ERGIC3: variants seen among roughly 807,000 people sequenced by gnomAD.
The protein encoded by ERGIC3 is ERGIC and golgi 3.
A neutral mutation model predicts 54.7 loss-of-function variants in ERGIC3; 33 were observed. The observed-to-expected ratio is 0.60, with a 90% CI of 0.46 to 0.81. The LOEUF (loss-of-function observed/expected upper bound fraction) is 0.81. Among genes scored for constraint, ERGIC3 ranks in the 30% least tolerant of loss-of-function variants. ERGIC3 has a pLI of 0.00. For missense variants in ERGIC3, 399 were observed against 488.4 expected, an observed-to-expected ratio of 0.82 and a Z score of 1.73; for synonymous variants, 186 against 189.8, an observed-to-expected ratio of 0.98 and a Z score of 0.16.
chr20:35,547,417 G>T lies in ERGIC3; in HGVS notation c.373G>T (p.Gly125Trp), dbSNP rs770371796. 1.9e-6 allele frequency: 3 copies of T among 1,614,076 alleles called. No individual in the cohort carries two copies. In the South Asian group the frequency reaches 3.3e-5, roughly 18 times the overall value. The change falls in exon 5 of 13, where the codon GGG becomes TGG. Residue 125 changes from glycine to tryptophan, a missense_variant. Physicochemically the swap from Gly to Trp is radical, Grantham distance 184. Transcript: ENST00000348547. ...TGCTTCTCCCCTCCCCTTAGAGCTT[G>T]GGAAAGTCGAGGTGACGGTGTTTGA... ...VSSEAERHEL[G>W]KVEVTVFDPD...
chr20:35,556,541 T>G, intron 10 of ERGIC3: 1 of 529,230 alleles, frequency 1.9e-6, no homozygotes. Context: ...CTGTTCTCTG[T>G]GGTCTGCCTG....
At chr20:35,555,528 TG>T (rs909598245) in intron 8 of ERGIC3, among the ~76,000 whole-genome samples, 12 of 152,166 alleles carry the variant, frequency 7.9e-5, no homozygotes, top group African/African-American at 2.9e-4. Context: ...TTCTAGTGTC[TG>T]AGGCTGATAC....
At chr20:35,542,247 C>CT (rs2064616833) in intron 1 of ERGIC3, 62 bp downstream of exon 1, 4 of 1,610,996 alleles carry the variant, frequency 2.5e-6, no homozygotes, top group Non-Finnish European at 3.4e-6. Flanking sequence ...GCCCGGGCTC[C>CT]TGGACTCTGA....
At chr20:35,544,470 A>G in intron 4 of ERGIC3, 1 of 307,094 alleles carries the variant, frequency 3.3e-6, no homozygotes, top group Non-Finnish European at 6.5e-6. Flanking sequence ...GATGGCTGGG[A>G]CATTGCTCAG....
Position 35,542,338 on chromosome 20 carries a change from G to A in ERGIC3, c.104G>A (p.Gly35Asp). 1 of 1,613,980 alleles carries A rather than the reference G, an allele frequency of 6.2e-7. No individual in the cohort carries two copies. The change falls in exon 2 of 13, where the codon GGC (glycine) becomes GAC (aspartate). Residue 35 changes from glycine (G) to aspartate (D), a missense_variant. Coordinates refer to ENST00000348547, the MANE Select transcript of ERGIC3 (RefSeq NM_015966.3). ...TGTCCTGCAGTGACCATTGTCAGTG[G>A]CCTTCTCATGCTGCTACTGTTCCTG... is the stretch of plus-strand genomic sequence containing the variant. ...CGGATVTIVS[G>D]LLMLLLFLSE...
At chr20:35,554,288 C>G in intron 7 of ERGIC3, 1 of 1,539,472 alleles carries the variant, frequency 6.5e-7, no homozygotes, top group Non-Finnish European at 9.0e-7. Flanking sequence ...TCCAGTCTTC[C>G]CTCCTGCAAC....
In ERGIC3 at chr20:35,548,594, C is replaced by T. The variant is rs749724539; in HGVS notation, c.547C>T (p.Arg183Trp). 36 of 1,614,184 alleles carry T rather than the reference C, an allele frequency of 2.2e-5. No individual in the cohort carries two copies. Among genetic ancestry groups the T allele is most frequent in the South Asian group, 1.9e-4 (17 of 91,080 alleles). ...FKNPDTIEQC[R>W]REGFSQKMQE... is the part of the protein sequence containing the mutation. ...GAACCCAGATACTATTGAGCAGTGC[C>T]GGCGAGAGGGCTTCAGCCAGAAGAT... The change falls in exon 6 of 13, where the codon CGG becomes TGG. Residue 183 changes from arginine to tryptophan, a missense_variant. Physicochemically the swap from Arg to Trp is moderately radical, Grantham distance 101 (BLOSUM62 -3). Transcript: ENST00000348547.
chr20:35,556,462 G>A, intron 10 of ERGIC3, 191 bp downstream of exon 10: 1 of 624,906 alleles, frequency 1.6e-6, no homozygotes. Flanking sequence ...TAGATTTAAA[G>A]CGCCTGCTCT....
chr20:35,556,885 G>T, intron 10 of ERGIC3, 88 bp from the exon 11 acceptor site: 1 of 1,579,648 alleles, frequency 6.3e-7, no homozygotes. Context: ...AGGCTCAACA[G>T]GAAAGGGGAA....
Position 35,547,478 on chromosome 20 carries a change from G to A in ERGIC3, c.434G>A (p.Cys145Tyr). 1 of 1,614,090 alleles carries A rather than the reference G, an allele frequency of 6.2e-7. No individual in the cohort carries two copies. Among genetic ancestry groups the A allele is most frequent in the Non-Finnish European group, 8.5e-7 (1 of 1,179,988 alleles). Residue 145 changes from cysteine (C) to tyrosine (Y), a missense_variant, in exon 5 of 13, where the codon TGC (cysteine) becomes TAC (tyrosine). Cys to Tyr is a radical substitution (Grantham distance 194, BLOSUM62 -2). Coordinates refer to ENST00000348547, the MANE Select transcript of ERGIC3 (RefSeq NM_015966.3). ...CTGGACCCTGATCGCTGTGAGAGCT[G>A]CTATGGTGCTGAGGCAGAAGATATC... ...DSLDPDRCESCYGAEAEDIKC... is the reference protein window; with the variant it reads ...DSLDPDRCESYYGAEAEDIKC...
intron 10 of ERGIC3, chr20:35,556,717 G>A (rs954759965): frequency 1.8e-6 from 1 of 571,296 alleles, no homozygotes; most frequent in Non-Finnish European, 3.2e-6. Flanking sequence ...CTGGACCCCC[G>A]TGAGAACACC....
chr20:35,557,178 CCT>C lies in ERGIC3; in HGVS notation c.1017-12_1017-11del. The C allele has an allele frequency of 6.2e-7, 1 of 1,614,196 alleles. No homozygotes were observed. Among genetic ancestry groups the C allele is most frequent in the Non-Finnish European group, 8.5e-7 (1 of 1,180,020 alleles). ...GGAGGAGGATGCCTGCTGAGCCCAC[CCT>C]CTCCTTCTACCAGGTCCTTCACCCA... On this transcript the variant is annotated splice_polypyrimidine_tract_variant and intron_variant, in intron 11 of 12. Transcript: ENST00000348547.
At chr20:35,554,319 T>G (rs2064699376) in intron 7 of ERGIC3, 1 of 1,612,078 alleles carries the variant, frequency 6.2e-7, no homozygotes, top group African/African-American at 1.3e-5. Context: ...CTCATAGTTC[T>G]CATTGTGAAG....
In ERGIC3 at chr20:35,557,263, G is replaced by A; in HGVS notation, c.1072+14G>A. On this transcript the variant is annotated intron_variant, in intron 12 of 12. Transcript: ENST00000348547. ...GCATGTTCACAGGTAAGAGGCCCAGGGCGTCTGTGAGCTGTGGGGTGGGGA... is the reference window on the plus strand; with the variant it reads ...GCATGTTCACAGGTAAGAGGCCCAGAGCGTCTGTGAGCTGTGGGGTGGGGA... 1.2e-5 allele frequency: 20 copies of A among 1,614,124 alleles called. No individual in the cohort carries two copies. Among genetic ancestry groups the A allele is most frequent in the Non-Finnish European group, 1.7e-5 (20 of 1,180,008 alleles).
At position 35,547,493 on chromosome 20, in the gene ERGIC3, C is replaced by T; in HGVS notation, c.449C>T (p.Ala150Val). ...DRCESCYGAE[A>V]EDIKCCNTCE... ...TGTGAGAGCTGCTATGGTGCTGAGG[C>T]AGAAGATATCAAGTGAGCTGGCGGG... Residue 150 changes from alanine (A) to valine (V), a missense_variant, in exon 5 of 13, where the codon GCA (alanine) becomes GTA (valine). Ala to Val is a moderately conservative substitution (Grantham distance 64, BLOSUM62 0). Coordinates refer to ENST00000348547, the MANE Select transcript of ERGIC3 (RefSeq NM_015966.3). The T allele has an allele frequency of 6.2e-7, 1 of 1,613,994 alleles. No individual in the cohort carries two copies. The highest frequency in any genetic ancestry group is 8.5e-7 in the Non-Finnish European group (1 of 1,179,938).
At chr20:35,553,196 C>T (rs1298689122) in intron 7 of ERGIC3, among the ~76,000 whole-genome samples, 3 of 120,192 alleles carry the variant, frequency 2.5e-5, no homozygotes, top group Non-Finnish European at 3.4e-5. Context: ...TTTGCAGAGA[C>T]AGGGTCTTGC....
Position 35,557,428 on chromosome 20 carries a change from C to T in ERGIC3, c.1076C>T (p.Ala359Val). ...CCAGCCCTTGTCTCTCTCCCAGTGG[C>T]TGGACTCATCGATTCGCTCATCTAC... ...CAIIGGMFTVAGLIDSLIYHS... is the reference protein window; with the variant it reads ...CAIIGGMFTVVGLIDSLIYHS... The change falls in exon 13 of 13, where the codon GCT (alanine) becomes GTT (valine). Residue 359 changes from alanine to valine, a missense_variant. Coordinates refer to ENST00000348547, the MANE Select transcript of ERGIC3 (RefSeq NM_015966.3). 6.2e-7 allele frequency: 1 copy of T among 1,614,062 alleles called. No homozygotes were observed. Among genetic ancestry groups the T allele is most frequent in the Non-Finnish European group, 8.5e-7 (1 of 1,179,978 alleles).
chr20:35,551,188 G>A (rs1438342182), intron 7 of ERGIC3, among the ~76,000 whole-genome samples: 1 of 152,060 alleles, frequency 6.6e-6, no homozygotes, highest in Non-Finnish European at 1.5e-5. Flanking sequence ...CAGCTACTCG[G>A]GAGGCTGAGG....
At chr20:35,552,613 G>A (rs544522598) in intron 7 of ERGIC3, among the ~76,000 whole-genome samples, 6 of 152,338 alleles carry the variant, frequency 3.9e-5, no homozygotes, top group Non-Finnish European at 7.3e-5. Context: ...GGAGGAAAAA[G>A]GGACTACAAG....
Sources: gnomAD v4.1 joint callset for allele counts (sites outside exome capture counted in the v4.1 genomes callset) on GRCh38, gnomAD v4.1.1 for gene constraint, MANE v1.5 for transcripts, NCBI Gene and HGNC (gene_info 2026-07-23, HGNC 2026-07-21) for gene names.